Variants in AGBL4 observed in about 807,000 individuals in gnomAD.
The protein encoded by AGBL4 is cytosolic carboxypeptidase 6.
A neutral mutation model predicts 66.4 loss-of-function variants in AGBL4; 58 were observed. That is an observed-to-expected ratio of 0.87 (90% confidence interval 0.71 to 1.09). The LOEUF is 1.09. Among genes scored for constraint, AGBL4 ranks in the 50% least tolerant of loss-of-function variants. The pLI is 0.00. For synonymous variants in AGBL4, 234 were observed against 222.9 expected (o/e 1.05, Z -0.44); for missense variants, 579 against 631.0 (o/e 0.92, Z 0.88).
At chr1:49,293,919 A>G (rs1644591938) in intron 3 of AGBL4, among the ~76,000 whole-genome samples, 2 of 152,252 alleles carry the variant, frequency 1.3e-5, no homozygotes, top group African/African-American at 4.8e-5. Context: ...AAGCTGAAAT[A>G]TTACAAAGCC....
chr1:48,747,680 C>G (rs1309263759), intron 6 of AGBL4, among the ~76,000 whole-genome samples: 1 of 152,238 alleles, frequency 6.6e-6, no homozygotes, highest in African/African-American at 2.4e-5. Flanking sequence ...GCATGACACA[C>G]AGTTACGGTC....
At chr1:49,901,735 A>G (rs2148190750) in intron 1 of AGBL4, among the ~76,000 whole-genome samples, 1 of 152,354 alleles carries the variant, frequency 6.6e-6, no homozygotes, top group East Asian at 1.9e-4. Context: ...AGCCAAGGCA[A>G]TCCTATGCAA....
chr1:49,498,821 C>T (rs1231473285), intron 3 of AGBL4, among the ~76,000 whole-genome samples: 2 of 151,932 alleles, frequency 1.3e-5, no homozygotes, highest in East Asian at 3.9e-4. Flanking sequence ...CAACTACTAT[C>T]CTTCATTCAG....
At chr1:49,658,046 A>C (rs1646183271) in intron 3 of AGBL4, among the ~76,000 whole-genome samples, 1 of 152,200 alleles carries the variant, frequency 6.6e-6, no homozygotes, top group Non-Finnish European at 1.5e-5. Flanking sequence ...ACAGCAAAAG[A>C]AACTACCATC....
chr1:49,420,931 A>C (rs1645533000), intron 3 of AGBL4, among the ~76,000 whole-genome samples: 1 of 152,164 alleles, frequency 6.6e-6, no homozygotes, highest in Admixed American at 6.5e-5. Context: ...AAAGAACATA[A>C]GACATCATGT....
intron 1 of AGBL4, among the ~76,000 whole-genome samples, chr1:49,898,696 C>A: frequency 6.6e-6 from 1 of 151,970 alleles, no homozygotes; most frequent in Non-Finnish European, 1.5e-5. Flanking sequence ...TCACCCTGGG[C>A]AAGATTTGGA....
chr1:48,994,793 AT>A (rs1385006380), intron 5 of AGBL4, among the ~76,000 whole-genome samples: 1 of 152,168 alleles, frequency 6.6e-6, no homozygotes, highest in Non-Finnish European at 1.5e-5. Flanking sequence ...ACAATAATGT[AT>A]TTAATACAAA....
intron 3 of AGBL4, among the ~76,000 whole-genome samples, chr1:49,558,005 G>A (rs1180971157): frequency 6.6e-6 from 1 of 151,836 alleles, no homozygotes; most frequent in Non-Finnish European, 1.5e-5. Flanking sequence ...ACTAGCTCCA[G>A]GACATTTCCA....
intron 3 of AGBL4, among the ~76,000 whole-genome samples, chr1:49,257,962 A>G (rs1240574621): frequency 6.6e-6 from 1 of 152,168 alleles, no homozygotes; most frequent in Non-Finnish European, 1.5e-5. Flanking sequence ...CTCTGAGACA[A>G]AACTTCCAGA....
chr1:48,887,133 T>C (rs1461006383), intron 5 of AGBL4, among the ~76,000 whole-genome samples: 1 of 152,124 alleles, frequency 6.6e-6, no homozygotes, highest in Non-Finnish European at 1.5e-5. Flanking sequence ...GGCAGAATCT[T>C]CTGTGTGAGC....
intron 3 of AGBL4, among the ~76,000 whole-genome samples, chr1:49,303,047 T>A (rs1644784245): frequency 6.6e-6 from 1 of 152,202 alleles, no homozygotes; most frequent in South Asian, 2.1e-4. Flanking sequence ...CCACATTTTC[T>A]TTATCCTATA....
At chr1:49,360,443 CATT>C (rs1445530260) in intron 3 of AGBL4, among the ~76,000 whole-genome samples, 3 of 152,086 alleles carry the variant, frequency 2.0e-5, no homozygotes, top group African/African-American at 4.8e-5. Flanking sequence ...TTTCTATAGT[CATT>C]ATAATTTTTA....
chr1:49,704,256 C>CA (rs1336148950), intron 2 of AGBL4, among the ~76,000 whole-genome samples: 1 of 151,922 alleles, frequency 6.6e-6, no homozygotes, highest in Non-Finnish European at 1.5e-5. Context: ...GTAATCAAGA[C>CA]AGTTTGGTAT....
chr1:49,114,808 A>G (rs916118685), intron 4 of AGBL4, among the ~76,000 whole-genome samples: 3 of 152,146 alleles, frequency 2.0e-5, no homozygotes, highest in Non-Finnish European at 4.4e-5. Context: ...AACACATACA[A>G]CATTTATCGA....
chr1:48,706,756 T>C (rs1362149606), intron 6 of AGBL4, among the ~76,000 whole-genome samples: 2 of 152,230 alleles, frequency 1.3e-5, no homozygotes, highest in African/African-American at 4.8e-5. Context: ...AATGACTAAA[T>C]GATGAGTGCA....
At chr1:50,002,657 C>T (rs1660852081) in intron 1 of AGBL4, among the ~76,000 whole-genome samples, 1 of 152,082 alleles carries the variant, frequency 6.6e-6, no homozygotes, top group Admixed American at 6.5e-5. Flanking sequence ...GCGTGAGCCA[C>T]CGCGCCCGGC....
chr1:49,621,764 T>A (rs986382187), intron 3 of AGBL4, among the ~76,000 whole-genome samples: 1 of 152,188 alleles, frequency 6.6e-6, no homozygotes, highest in African/African-American at 2.4e-5. Context: ...TTCCTACATG[T>A]CAGGGCACAT....
chr1:49,856,575 AC>A (rs1646438982), intron 1 of AGBL4, among the ~76,000 whole-genome samples: 1 of 152,148 alleles, frequency 6.6e-6, no homozygotes, highest in Non-Finnish European at 1.5e-5. Context: ...GGTTCAACAT[AC>A]AAAAATCAAT....
At chr1:49,836,235 T>C (rs1645845925) in intron 2 of AGBL4, among the ~76,000 whole-genome samples, 1 of 152,224 alleles carries the variant, frequency 6.6e-6, no homozygotes. Flanking sequence ...GGTTTGGTCT[T>C]TTCACATAGT....
Sources: allele counts gnomAD v4.1 joint callset (sites outside exome capture counted in the v4.1 genomes callset), GRCh38; gene constraint gnomAD v4.1.1; transcripts MANE v1.5; gene names NCBI Gene and HGNC (gene_info 2026-07-23, HGNC 2026-07-21).